Variants in RBFOX1 observed in about 807,000 individuals in gnomAD.
RBFOX1 encodes RNA binding protein fox-1 homolog 1.
In RBFOX1, 8 loss-of-function variants were observed where a neutral mutation model predicts 57.7. The observed-to-expected ratio is 0.14, with a 90% CI of 0.08 to 0.25. The LOEUF is 0.25. RBFOX1 is among the 10% of genes least tolerant of loss of function. The pLI is 1.00. For synonymous variants in RBFOX1, 326 were observed against 222.4 expected (o/e 1.47, Z -4.15); for missense variants, 611 against 548.5 (o/e 1.11, Z -1.14).
At chr16:7,620,227 C>G (rs1426881205) in intron 10 of RBFOX1, among the ~76,000 whole-genome samples, 1 of 152,204 alleles carries the variant, frequency 6.6e-6, no homozygotes, top group Admixed American at 6.5e-5. Context: ...TTGCCAAACA[C>G]TTTCATGCCA....
At chr16:6,846,657 C>G (rs915393322) in intron 3 of RBFOX1, among the ~76,000 whole-genome samples, 1 of 152,132 alleles carries the variant, frequency 6.6e-6, no homozygotes, top group Non-Finnish European at 1.5e-5. Flanking sequence ...CATCTACAGA[C>G]GTCAAATAAC....
At position 5,744,947 on chromosome 16, in the gene RBFOX1, AT is replaced by A. The variant is rs566688896; in HGVS notation, c.319-122347del. 7.9e-4 allele frequency among the ~76,000 whole-genome samples: 119 copies of A among 151,314 alleles called. 1 individual carries two copies. The highest frequency in any genetic ancestry group is 2.5e-3 in the African/African-American group (105 of 41,292). The stretch of plus-strand genomic sequence containing the variant: ...ACTGCCACGCCTGGCTAATTTTTGT[AT>A]TTTTTTTTATTATACTTTTAGTTCT... On this transcript the variant is annotated intron_variant, in intron 3 of 19. Coordinates refer to the RBFOX1 transcript ENST00000641259.
chr16:5,759,040 A>C lies in RBFOX1; in HGVS notation c.319-108263A>C, dbSNP rs577021355. Among the ~76,000 whole-genome samples, 25 of 152,338 alleles carry C rather than the reference A, an allele frequency of 1.6e-4. 1 individual carries two copies. In the South Asian group the frequency reaches 5.2e-3, roughly 32 times the overall value. On this transcript the variant is annotated intron_variant, in intron 3 of 19. Transcript: ENST00000641259. The stretch of plus-strand genomic sequence containing the variant: ...CTTTGAGCAAATTCATGAAACCTCC[A>C]TTTGAACCTCCATTTCTACTTCCAT...
At chr16:7,349,944 C>G (rs915769463) in intron 4 of RBFOX1, among the ~76,000 whole-genome samples, 4 of 152,072 alleles carry the variant, frequency 2.6e-5, no homozygotes, top group Admixed American at 6.6e-5. Flanking sequence ...GTCAGGAGTT[C>G]GAGACCAGCC....
At chr16:6,485,315 G>A (rs1210888046) in intron 2 of RBFOX1, among the ~76,000 whole-genome samples, 4 of 152,090 alleles carry the variant, frequency 2.6e-5, no homozygotes, top group Non-Finnish European at 1.5e-5. Context: ...GAGGTAGGGG[G>A]ACATGTAGAA....
At chr16:6,787,988 C>A (rs1005765492) in intron 3 of RBFOX1, among the ~76,000 whole-genome samples, 36 of 136,592 alleles carry the variant, frequency 2.6e-4, no homozygotes, top group African/African-American at 8.5e-4. Context: ...TTTGGGAGTC[C>A]GAGGTGGGGG....
intron 3 of RBFOX1, among the ~76,000 whole-genome samples, chr16:6,826,362 G>A (rs1247286538): frequency 6.6e-6 from 1 of 152,124 alleles, no homozygotes; most frequent in Admixed American, 6.5e-5. Context: ...ACAGAAAAAG[G>A]GAGGGGTGCT....
At chr16:5,961,062 A>C (rs554898146) in intron 4 of RBFOX1, among the ~76,000 whole-genome samples, 17 of 152,190 alleles carry the variant, frequency 1.1e-4, no homozygotes, top group Non-Finnish European at 2.2e-4. Flanking sequence ...AGGAGAAAGA[A>C]AGTTTGAGAA....
At chr16:5,681,147 C>A (rs1263962799) in intron 3 of RBFOX1, among the ~76,000 whole-genome samples, 1 of 151,908 alleles carries the variant, frequency 6.6e-6, no homozygotes, top group Non-Finnish European at 1.5e-5. Context: ...GATCTCGGCT[C>A]ACTGCAAGCT....
chr16:6,053,666 G>A (rs550780142), intron 1 of RBFOX1, among the ~76,000 whole-genome samples: 2 of 152,116 alleles, frequency 1.3e-5, no homozygotes, highest in Admixed American at 1.3e-4. Context: ...ACATTTTTCT[G>A]CTTGTAATCT....
intron 1 of RBFOX1, among the ~76,000 whole-genome samples, chr16:5,411,675 G>C (rs1460090157): frequency 6.6e-6 from 1 of 152,058 alleles, no homozygotes; most frequent in Non-Finnish European, 1.5e-5. Context: ...CGAGGTGGGA[G>C]GATTGCTTGA....
At chr16:6,867,204 C>G (rs568587073) in intron 3 of RBFOX1, among the ~76,000 whole-genome samples, 3 of 152,144 alleles carry the variant, frequency 2.0e-5, no homozygotes, top group African/African-American at 4.8e-5. Flanking sequence ...AAGCATGAAG[C>G]TATATAAGTC....
At chr16:6,488,475 G>T (rs929694074) in intron 2 of RBFOX1, among the ~76,000 whole-genome samples, 15 of 152,154 alleles carry the variant, frequency 9.9e-5, no homozygotes, top group African/African-American at 3.4e-4. Context: ...AGGAGCTCCT[G>T]TGTATTTTCT....
At chr16:7,476,212 A>G (rs2062672527) in intron 4 of RBFOX1, among the ~76,000 whole-genome samples, 1 of 151,950 alleles carries the variant, frequency 6.6e-6, no homozygotes, top group Non-Finnish European at 1.5e-5. Context: ...GGCTCAAATG[A>G]TCCTCCCACC....
chr16:6,589,415 T>C lies in RBFOX1; in HGVS notation c.-63-65188T>C, dbSNP rs371720358. 1.5e-3 allele frequency among the ~76,000 whole-genome samples: 224 copies of C among 152,092 alleles called. 4 individuals are homozygous for C. In the South Asian group the frequency reaches 0.019, roughly 13 times the overall value. On this transcript the variant is annotated intron_variant, in intron 2 of 15. Transcript: ENST00000550418. ...TCAGGATTATTTGGTGGGTAGGGGG[T>C]CAGAAAGTGGAAGTGCTGACTGGTC...
chr16:6,743,120 T>C (rs547559279), intron 3 of RBFOX1, among the ~76,000 whole-genome samples: 2 of 152,310 alleles, frequency 1.3e-5, no homozygotes, highest in East Asian at 1.9e-4. Flanking sequence ...AAATAAGTTA[T>C]AAAGATTTGC....
intron 5 of RBFOX1, among the ~76,000 whole-genome samples, chr16:7,575,543 G>C (rs1463352613): frequency 6.6e-6 from 1 of 152,156 alleles, no homozygotes; most frequent in African/African-American, 2.4e-5. Context: ...GCAGACCCAA[G>C]CCAAGGAACA....
chr16:6,482,745 G>T lies in RBFOX1; in HGVS notation c.-64+165688G>T, dbSNP rs966741202. 3.3e-5 allele frequency among the ~76,000 whole-genome samples: 5 copies of T among 152,320 alleles called. No individual in the cohort carries two copies. In the East Asian group the frequency reaches 5.8e-4, roughly 18 times the overall value. On this transcript the variant is annotated intron_variant, in intron 2 of 15. Transcript: ENST00000550418. The stretch of plus-strand genomic sequence containing the variant: ...ATGAAAGCCTAGCTGTTTGGGGCGG[G>T]AGGCGAGATTGGGGGCGCGGTGCTG...
chr16:7,413,522 G>T (rs2098450042), intron 4 of RBFOX1, among the ~76,000 whole-genome samples: 1 of 152,158 alleles, frequency 6.6e-6, no homozygotes, highest in East Asian at 1.9e-4. Flanking sequence ...GCAAGCCACT[G>T]AGATGCCCTC....
Sources: allele counts gnomAD v4.1 joint callset (sites outside exome capture counted in the v4.1 genomes callset), GRCh38; gene constraint gnomAD v4.1.1; transcripts MANE v1.5; gene names NCBI Gene and HGNC (gene_info 2026-07-23, HGNC 2026-07-21).